The following FUT8 variants were observed in gnomAD, a reference collection of about 807,000 sequenced individuals.
FUT8 encodes the protein alpha-(1,6)-fucosyltransferase.
A neutral mutation model predicts 71.3 loss-of-function variants in FUT8; 29 were observed. The ratio of observed to expected loss-of-function variants is 0.41; its 90% CI spans 0.30 to 0.55. FUT8 has a LOEUF of 0.55. Ranked by LOEUF, FUT8 falls within the 20% of genes least tolerant of loss-of-function variation. FUT8 has a pLI of 0.34. For missense variants in FUT8, 544 were observed against 702.1 expected (o/e 0.77, Z 2.55); for synonymous variants, 254 against 239.3 (o/e 1.06, Z -0.57).
chr14:65,453,339 T>C (rs1299895290), intron 1 of FUT8, among the ~76,000 whole-genome samples: 2 of 152,184 alleles, frequency 1.3e-5, no homozygotes, highest in African/African-American at 4.8e-5. Flanking sequence ...CTGGTCTGTA[T>C]TGAAGTTATT....
chr14:65,588,933 A>G (rs1887536121), intron 3 of FUT8, among the ~76,000 whole-genome samples: 2 of 152,346 alleles, frequency 1.3e-5, no homozygotes, highest in Middle Eastern at 3.4e-3. Context: ...GTCTTGGAAC[A>G]GTATCCCCAC....
the FUT8 span, among the ~76,000 whole-genome samples, chr14:65,366,531 A>G: frequency 6.6e-6 from 1 of 152,168 alleles, no homozygotes. Context: ...TATGTACCCA[A>G]CAGCCCACCA....
At chr14:65,387,922 GT>G in the FUT8 span, among the ~76,000 whole-genome samples, 5 of 152,160 alleles carry the variant, frequency 3.3e-5, no homozygotes, top group Non-Finnish European at 7.3e-5. Flanking sequence ...GGATGAGGAG[GT>G]ATGTTTAACC....
chr14:65,437,822 G>A (rs2065584304), intron 1 of FUT8, among the ~76,000 whole-genome samples: 1 of 152,182 alleles, frequency 6.6e-6, no homozygotes, highest in Admixed American at 6.5e-5. Flanking sequence ...AAGCAATGGA[G>A]TAGGGAGTAA....
the FUT8 span, among the ~76,000 whole-genome samples, chr14:65,366,419 T>G: frequency 6.6e-6 from 1 of 152,196 alleles, no homozygotes; most frequent in African/African-American, 2.4e-5. Context: ...CACTAGTTTT[T>G]CCCCGATGGC....
chr14:65,634,339 C>G (rs1186115404), intron 6 of FUT8, among the ~76,000 whole-genome samples: 1 of 152,046 alleles, frequency 6.6e-6, no homozygotes, highest in East Asian at 1.9e-4. Context: ...GCAAGATGTG[C>G]TTTGTTAAAC....
chr14:65,477,852 G>C (rs1408676730), intron 2 of FUT8, among the ~76,000 whole-genome samples: 2 of 151,154 alleles, frequency 1.3e-5, no homozygotes, highest in Non-Finnish European at 2.9e-5. Context: ...CTAAGGGTTT[G>C]TGATGTCTTT....
At chr14:65,722,591 C>T (rs1233050409) in intron 8 of FUT8, among the ~76,000 whole-genome samples, 2 of 152,146 alleles carry the variant, frequency 1.3e-5, no homozygotes, top group African/African-American at 2.4e-5. Flanking sequence ...AATATCAAAT[C>T]GTATTTCTTC....
At chr14:65,380,177 C>T in the FUT8 span, among the ~76,000 whole-genome samples, 136,972 of 152,230 alleles carry the variant, frequency 0.9, 62,286 homozygotes, top group East Asian at 1. Context: ...AGAATCATGG[C>T]AGGAGGTGAA....
intron 9 of FUT8, among the ~76,000 whole-genome samples, chr14:65,732,732 A>T (rs1297242774): frequency 6.6e-6 from 1 of 152,196 alleles, no homozygotes; most frequent in African/African-American, 2.4e-5. Context: ...ACAAATTTTT[A>T]AAATATTCAT....
intron 7 of FUT8, among the ~76,000 whole-genome samples, chr14:65,683,259 C>A (rs1228665140): frequency 1.3e-5 from 2 of 152,050 alleles, no homozygotes; most frequent in African/African-American, 4.8e-5. Context: ...GTGATCCGCC[C>A]GCCTGGGCCT....
intron 7 of FUT8, among the ~76,000 whole-genome samples, chr14:65,695,582 G>A (rs995201577): frequency 6.6e-6 from 1 of 151,900 alleles, no homozygotes; most frequent in Admixed American, 6.6e-5. Context: ...TTAGCATGGT[G>A]TATTTTTCTC....
Position 65,446,740 on chromosome 14 carries a change from C to T in FUT8, c.-325-8881C>T, listed in dbSNP as rs557416435. Among the ~76,000 whole-genome samples, 3 of 143,640 alleles carry T rather than the reference C, an allele frequency of 2.1e-5. No individual in the cohort carries two copies. The East Asian group carries it at 6.3e-4, about 30-fold the overall frequency. 94.2% of individuals were successfully genotyped at this position (143,640 alleles called of 152,430 possible). A position where few individuals can be genotyped will look rare whatever the true frequency, so the allele number is the denominator to read the frequency against. On this transcript the variant is annotated intron_variant, in intron 1 of 10. Coordinates refer to ENST00000673929, the MANE Select transcript of FUT8 (RefSeq NM_001371533.1). Reference sequence around the variant, plus strand: ...ATTGCAATTAATATGCTTAATGAAGCTCAAATTGTTGTTACATCTTTGACC... The same window carrying T: ...ATTGCAATTAATATGCTTAATGAAGTTCAAATTGTTGTTACATCTTTGACC...
At chr14:65,364,965 G>A in the FUT8 span, among the ~76,000 whole-genome samples, 1 of 152,154 alleles carries the variant, frequency 6.6e-6, no homozygotes, top group Non-Finnish European at 1.5e-5. Flanking sequence ...TCATGCTTTG[G>A]CCGTGTACAG....
chr14:65,359,309 T>C, the FUT8 span, among the ~76,000 whole-genome samples: 2 of 152,228 alleles, frequency 1.3e-5, no homozygotes, highest in African/African-American at 4.8e-5. Flanking sequence ...CAAGGCACAT[T>C]CATTTTCTTG....
rs537749385 is a variant in FUT8, at chr14:65,714,840, A to T, written c.836-6935A>T. Among the ~76,000 whole-genome samples the T allele has an allele frequency of 3.2e-4, 49 of 152,238 alleles. 1 individual carries two copies. In the South Asian group the frequency reaches 0.01, roughly 32 times the overall value. On this transcript the variant is annotated intron_variant, in intron 7 of 10. Coordinates refer to ENST00000673929, the MANE Select transcript of FUT8 (RefSeq NM_001371533.1). Reference sequence around the variant, plus strand: ...TTCCTAGGTATTTAACTTTATTTGTAACTATTGTAAATTGGATTATGTTTT... The same window carrying T: ...TTCCTAGGTATTTAACTTTATTTGTTACTATTGTAAATTGGATTATGTTTT...
In FUT8 at chr14:65,603,493, TG is replaced by T. The variant is rs753104652; in HGVS notation, c.204-12484del. 1.3e-5 allele frequency among the ~76,000 whole-genome samples: 2 copies of T among 151,810 alleles called. No homozygotes were observed. The highest frequency in any genetic ancestry group is 2.4e-5 in the African/African-American group (1 of 41,400). On this transcript the variant is annotated intron_variant, in intron 3 of 10. Coordinates refer to ENST00000673929, the MANE Select transcript of FUT8 (RefSeq NM_001371533.1). The surrounding 1 kb of genome is among the most constrained non-coding windows in gnomAD (Gnocchi z 4.5). ...TTTGGTTCCATGTGAATTTTAGAATTGTTTTTTTCTAATTCTGTAAAGAATG... is the reference window on the plus strand; with the variant it reads ...TTTGGTTCCATGTGAATTTTAGAATTTTTTTTTCTAATTCTGTAAAGAATG...
chr14:65,522,340 A>G (rs79503320), intron 2 of FUT8, among the ~76,000 whole-genome samples: 2,455 of 151,856 alleles, frequency 0.016, 19 homozygotes, highest in South Asian at 0.024. Context: ...TAATTTACCA[A>G]CTCAGAGTGT....
intron 5 of FUT8, among the ~76,000 whole-genome samples, chr14:65,616,709 G>C (rs1483334286): frequency 6.6e-6 from 1 of 151,986 alleles, no homozygotes; most frequent in Non-Finnish European, 1.5e-5. Context: ...GGAGTGTGCA[G>C]TTTTGCATTG....
Sources: allele counts gnomAD v4.1 joint callset (sites outside exome capture counted in the v4.1 genomes callset), GRCh38; gene constraint gnomAD v4.1.1; non-coding constraint Gnocchi (gnomAD v3.1); transcripts MANE v1.5; gene names NCBI Gene and HGNC (gene_info 2026-07-23, HGNC 2026-07-21).